Variants in GRM8 observed in about 807,000 individuals in gnomAD.
GRM8 encodes glutamate metabotropic receptor 8.
Under a neutral mutation model 87.2 loss-of-function variants are expected in GRM8, and 47 were observed. That is an observed-to-expected ratio of 0.54 (90% CI 0.43 to 0.69). GRM8 has a LOEUF of 0.69. GRM8 is among the 30% of genes least tolerant of loss of function. GRM8 has a pLI of 0.00. For synonymous variants in GRM8, 396 were observed against 404.5 expected (o/e 0.98, Z 0.25); for missense variants, 1,019 against 1,139.2 (o/e 0.89, Z 1.52).
At chr7:127,031,197 C>T (rs1437531584) in intron 3 of GRM8, among the ~76,000 whole-genome samples, 4 of 152,100 alleles carry the variant, frequency 2.6e-5, no homozygotes, top group Admixed American at 2.6e-4. Context: ...TGGTTCAAGT[C>T]ACTTCCTGAA....
intron 9 of GRM8, among the ~76,000 whole-genome samples, chr7:126,486,361 G>C (rs1807364713): frequency 6.6e-6 from 1 of 152,024 alleles, no homozygotes; most frequent in Non-Finnish European, 1.5e-5. Context: ...TGTTCAGTAT[G>C]CATGTGTCAG....
At chr7:127,176,128 G>A (rs1166137640) in intron 2 of GRM8, among the ~76,000 whole-genome samples, 1 of 152,082 alleles carries the variant, frequency 6.6e-6, no homozygotes, top group Non-Finnish European at 1.5e-5. Flanking sequence ...GCTGGATATA[G>A]ACAAGTTAAA....
intron 6 of GRM8, among the ~76,000 whole-genome samples, chr7:126,882,148 G>T (rs2131000402): frequency 6.6e-6 from 1 of 152,318 alleles, no homozygotes; most frequent in East Asian, 1.9e-4. Flanking sequence ...CCCCAAGGGA[G>T]AAGGGTCAGC....
chr7:127,063,020 A>G (rs1820771763), intron 3 of GRM8, among the ~76,000 whole-genome samples: 1 of 152,150 alleles, frequency 6.6e-6, no homozygotes, highest in African/African-American at 2.4e-5. Flanking sequence ...TGGGAGGCTG[A>G]GGCAGATGGA....
At chr7:126,647,882 A>G (rs1023149176) in intron 7 of GRM8, among the ~76,000 whole-genome samples, 2 of 152,140 alleles carry the variant, frequency 1.3e-5, no homozygotes, top group African/African-American at 2.4e-5. Context: ...ATAGCAAACT[A>G]AATTTCTAGA....
At chr7:126,692,164 A>G (rs993448059) in intron 7 of GRM8, among the ~76,000 whole-genome samples, 6 of 152,176 alleles carry the variant, frequency 3.9e-5, no homozygotes, top group African/African-American at 1.4e-4. Flanking sequence ...TATAATAAAG[A>G]CCTTGACACA....
intron 7 of GRM8, among the ~76,000 whole-genome samples, chr7:126,735,372 T>G (rs4731326): frequency 0.79 from 120,598 of 151,946 alleles, 48,339 homozygotes; most frequent in Admixed American, 0.84. Context: ...TCAATGATAT[T>G]CAAATTTAAA....
chr7:126,609,749 G>A (rs1200420544), intron 7 of GRM8, among the ~76,000 whole-genome samples: 1 of 152,140 alleles, frequency 6.6e-6, no homozygotes, highest in Non-Finnish European at 1.5e-5. Context: ...TCCAAGTTAA[G>A]CAATGCACAT....
intron 8 of GRM8, among the ~76,000 whole-genome samples, chr7:126,570,356 C>T (rs1794592832): frequency 1.3e-5 from 2 of 152,166 alleles, no homozygotes; most frequent in Non-Finnish European, 2.9e-5. Flanking sequence ...GATATGGGTC[C>T]TAGACATCTG....
rs184732931 is a variant in GRM8 at position 126,828,844 on chromosome 7, T to G, written c.1157-58779A>C. Among the ~76,000 whole-genome samples, 34 of 152,328 alleles carry G rather than the reference T, an allele frequency of 2.2e-4. No individual in the cohort carries two copies. The East Asian group carries it at 2.5e-3, about 11-fold the overall frequency. ...GCTTTCTCTTGTGGGCATTTAGTGC[T>G]ATAAATTTCCCTCTACACACTGCTG... On this transcript the variant is annotated intron_variant, in intron 6 of 10. Coordinates refer to ENST00000339582, the MANE Select transcript of GRM8 (RefSeq NM_000845.3).
chr7:126,588,380 G>A (rs1180656937), intron 8 of GRM8, among the ~76,000 whole-genome samples: 2 of 152,200 alleles, frequency 1.3e-5, no homozygotes, highest in African/African-American at 4.8e-5. Context: ...CACCCAGTGT[G>A]AAAAGCAGTT....
At chr7:127,215,282 T>C (rs367667052) in intron 2 of GRM8, 5 of 152,262 alleles carry the variant, frequency 3.3e-5, no homozygotes, top group African/African-American at 1.2e-4. Context: ...CCTTCATGAG[T>C]TCAGAATTCT....
At chr7:126,482,724 G>A (rs1183985469) in intron 9 of GRM8, among the ~76,000 whole-genome samples, 2 of 151,940 alleles carry the variant, frequency 1.3e-5, no homozygotes, top group African/African-American at 2.4e-5. Context: ...AAATGGTGGT[G>A]CTGATTGCAC....
At chr7:126,546,675 A>C (rs888167999) in intron 8 of GRM8, among the ~76,000 whole-genome samples, 4 of 152,200 alleles carry the variant, frequency 2.6e-5, no homozygotes, top group Non-Finnish European at 5.9e-5. Flanking sequence ...TGGTTCTCAC[A>C]GGACACTTAG....
chr7:127,035,622 C>T (rs975991550), intron 3 of GRM8, among the ~76,000 whole-genome samples: 7 of 152,178 alleles, frequency 4.6e-5, no homozygotes, highest in African/African-American at 1.7e-4. Context: ...CTTCCACCTT[C>T]AGCACAGTGA....
At chr7:127,068,479 CAA>C (rs1821350448) in intron 3 of GRM8, among the ~76,000 whole-genome samples, 1 of 152,078 alleles carries the variant, frequency 6.6e-6, no homozygotes, top group Non-Finnish European at 1.5e-5. Context: ...GTGCTAAACT[CAA>C]GACAGTCCTA....
chr7:126,913,565 C>T (rs1320101900), intron 3 of GRM8, among the ~76,000 whole-genome samples: 1 of 152,104 alleles, frequency 6.6e-6, no homozygotes, highest in Admixed American at 6.6e-5. Context: ...AACAAAATAA[C>T]CAGGTGTTTT....
intron 7 of GRM8, among the ~76,000 whole-genome samples, chr7:126,742,137 C>CAT (rs77891451): frequency 0.022 from 3,340 of 151,962 alleles, 136 homozygotes; most frequent in African/African-American, 0.076. Context: ...AAAAAAAATC[C>CAT]ATTTGGGTGA....
At chr7:127,068,414 C>T (rs1055718045) in intron 3 of GRM8, among the ~76,000 whole-genome samples, 1 of 152,150 alleles carries the variant, frequency 6.6e-6, no homozygotes, top group African/African-American at 2.4e-5. Flanking sequence ...TGCAGTGTAA[C>T]TAACCATTTG....
Sources: allele counts gnomAD v4.1 joint callset (sites outside exome capture counted in the v4.1 genomes callset), GRCh38; gene constraint gnomAD v4.1.1; transcripts MANE v1.5; gene names NCBI Gene and HGNC (gene_info 2026-07-23, HGNC 2026-07-21).